The following PRSS50 variants were observed in gnomAD, a reference collection of about 807,000 sequenced individuals.
PRSS50 encodes the protein probable threonine protease PRSS50.
Under a neutral mutation model 34.2 loss-of-function variants are expected in PRSS50, and 23 were observed. That is an observed-to-expected ratio of 0.67 (90% CI 0.48 to 0.95). The LOEUF is 0.95. PRSS50 is among the 40% of genes least tolerant of loss of function. The pLI is 0.00. For missense variants in PRSS50, 484 were observed against 513.4 expected (o/e 0.94, Z 0.55); for synonymous variants, 224 against 211.2 (o/e 1.06, Z -0.53).
chr3:46,714,146 T>C, intron 4 of PRSS50, 72 bp downstream of exon 4: 10 of 1,543,138 alleles, frequency 6.5e-6, no homozygotes, highest in Non-Finnish European at 8.8e-6. Flanking sequence ...CATCCATCTG[T>C]GGTGGCACCC....
At position 46,712,931 on chromosome 3, in the gene PRSS50, C is replaced by T. The variant is rs138214038; in HGVS notation, c.891G>A (p.Ala297=). Residue 297 remains alanine (A), a synonymous_variant, in exon 5 of 6, where the codon GCG becomes GCA. Coordinates refer to ENST00000315170, the MANE Select transcript of PRSS50 (RefSeq NM_013270.5). ...AGAACTTCTCCCTGTGGGTGTCCTC[C>T]GCACACATCATCTGGGACTTGATGA... is the stretch of plus-strand genomic sequence containing the variant. ...VQIIKSQMMC[A]EDTHREKFCY... The T allele has an allele frequency of 4.2e-5, 68 of 1,614,134 alleles. No individual in the cohort carries two copies. The highest frequency in any genetic ancestry group is 3.0e-4 in the Admixed American group (18 of 60,022).
Position 46,712,351 on chromosome 3 carries a change from G to A in PRSS50, c.1053C>T (p.His351=), listed in dbSNP as rs761446294. The A allele has an allele frequency of 6.2e-7, 1 of 1,613,922 alleles. No individual in the cohort carries two copies. Among genetic ancestry groups the A allele is most frequent in the Non-Finnish European group, 8.5e-7 (1 of 1,179,960 alleles). Residue 351 remains histidine, a synonymous_variant, in exon 6 of 6, where the codon CAC becomes CAT. Transcript: ENST00000315170. ...GCCCGTTGAGGCAGTCCCAGATCCA[G>A]TGTTGGTAGGAGGAGACCTGTAGGT... ...PIYLQVSSYQ[H]WIWDCLNGQA... is the part of the protein sequence containing the mutation.
chr3:46,717,509 T>C lies in PRSS50; in HGVS notation c.235A>G (p.Thr79Ala). The C allele has an allele frequency of 6.2e-7, 1 of 1,613,744 alleles. No individual in the cohort carries two copies. The highest frequency in any genetic ancestry group is 8.5e-7 in the Non-Finnish European group (1 of 1,179,960). Residue 79 changes from threonine (T) to alanine (A), a missense_variant, in exon 2 of 6, where the codon ACC (threonine) becomes GCC (alanine). Coordinates refer to ENST00000315170, the MANE Select transcript of PRSS50 (RefSeq NM_013270.5). This position sits in a 1 kb window ranked among gnomAD's most constrained non-coding sequence, Gnocchi z 4.5. ...RPRLLWQTPT[T>A]QTLPSTTMET... ...ATGGTGGTCGAGGGCAGTGTCTGGG[T>C]GGTCGGGGTCTGCCAGAGAAGGCGA...
At position 46,715,768 on chromosome 3, in the gene PRSS50, C is replaced by T. The variant is rs563756159; in HGVS notation, c.308-71G>A. ...TCCCTCCCCTCCCCCAGCCTGACCT[C>T]GTGCCTCTCCAGCCACTGGCCTGCA... On this transcript the variant is annotated intron_variant, in intron 2 of 5. Transcript: ENST00000315170. The surrounding 1 kb of genome is among the most constrained non-coding windows in gnomAD (Gnocchi z 5.2). The T allele has an allele frequency of 1.9e-4, 282 of 1,481,446 alleles. 1 individual carries two copies. In the African/African-American group the frequency reaches 3.2e-3, roughly 17 times the overall value. 91.8% of individuals were successfully genotyped at this position (1,481,446 alleles called of 1,614,324 possible).
chr3:46,712,406 C>G lies in PRSS50; in HGVS notation c.998G>C (p.Gly333Ala), dbSNP rs773837813. 2.5e-6 allele frequency: 4 copies of G among 1,613,890 alleles called. No homozygotes were observed. The highest frequency in any genetic ancestry group is 1.1e-5 in the South Asian group (1 of 91,062). The stretch of plus-strand genomic sequence containing the variant: ...GGGTGGGGCCTCGCTCTTCTGGCAG[C>G]CTGCACCCCAGCTCACCAATCCCAC... ...YLVGLVSWGA[G>A]CQKSEAPPIY... Residue 333 changes from glycine to alanine, a missense_variant, in exon 6 of 6, where the codon GGC becomes GCC. Transcript: ENST00000315170.
In PRSS50 at chr3:46,712,442, G is replaced by A. The variant is rs376546957; in HGVS notation, c.962C>T (p.Thr321Met). ...GEPLVCSMEG[T>M]WYLVGLVSWG... ...GCTCACCAATCCCACCAGGTACCAC[G>A]TGCCCTCCATGGAGCAGACCAAGGG... Residue 321 changes from threonine (T) to methionine (M), a missense_variant, in exon 6 of 6, where the codon ACG becomes ATG. Physicochemically the swap from Thr to Met is moderately conservative, Grantham distance 81 (BLOSUM62 -1). Coordinates refer to ENST00000315170, the MANE Select transcript of PRSS50 (RefSeq NM_013270.5). 2.5e-5 allele frequency: 41 copies of A among 1,613,948 alleles called. No individual in the cohort carries two copies. In the East Asian group the frequency reaches 2.7e-4, roughly 11 times the overall value.
At chr3:46,714,961 G>A (rs1416054596) in intron 3 of PRSS50, among the ~76,000 whole-genome samples, 1 of 152,192 alleles carries the variant, frequency 6.6e-6, no homozygotes, top group Non-Finnish European at 1.5e-5. Context: ...CTGTATGTTG[G>A]CCCTTAGGCC....
Position 46,714,353 on chromosome 3 carries a change from TGTC to T in PRSS50, c.616_618del (p.Asp206del). 6.2e-7 allele frequency: 1 copy of T among 1,614,016 alleles called. No individual in the cohort carries two copies. On this transcript the variant is annotated inframe_deletion, in exon 4 of 6. Transcript: ENST00000315170. ...TCCTGCTTGAGCTTGAGGAGGCCGA[TGTC>T]GTTGGCCTGGCCCACCCAGGACCAG... is the stretch of plus-strand genomic sequence containing the variant.
At position 46,714,768 on chromosome 3, in the gene PRSS50, T is replaced by C. The variant is rs538622581; in HGVS notation, c.471-267A>G. On this transcript the variant is annotated intron_variant, in intron 3 of 5. Transcript: ENST00000315170. ...AATGAACCACTCAGGGCTGCATAGC[T>C]AGGAGGCAGTGGAAGGGATGCGGAC... 1.6e-3 allele frequency among the ~76,000 whole-genome samples: 250 copies of C among 152,286 alleles called. 2 individuals carry two copies. The highest frequency in any genetic ancestry group is 3.4e-3 in the Middle Eastern group (1 of 294).
At chr3:46,713,589 C>T (rs951811633) in intron 4 of PRSS50, among the ~76,000 whole-genome samples, 2 of 152,250 alleles carry the variant, frequency 1.3e-5, no homozygotes, top group Non-Finnish European at 2.9e-5. Context: ...GCTGAAGCCC[C>T]CTTGAGCTGT....
rs1441544230 is a variant in PRSS50, at chr3:46,714,484, G to A, written c.488C>T (p.Ser163Leu). ...HCLIWRDVIYSVRVGSPWIDQ... is the reference protein window; with the variant it reads ...HCLIWRDVIYLVRVGSPWIDQ... ...AATCCACGGACTCCCCACCCTCACT[G>A]AGTAGATAACATCACGCCTAGGGGG... The change falls in exon 4 of 6, where the codon TCA becomes TTA. Residue 163 changes from serine (S) to leucine (L), a missense_variant. Ser to Leu is a moderately radical substitution (Grantham distance 145, BLOSUM62 -2). Coordinates refer to ENST00000315170, the MANE Select transcript of PRSS50 (RefSeq NM_013270.5). 5 of 1,600,148 alleles carry A rather than the reference G, an allele frequency of 3.1e-6. No homozygotes were observed. The highest frequency in any genetic ancestry group is 4.3e-6 in the Non-Finnish European group (5 of 1,174,614).
At chr3:46,712,802 T>C in intron 5 of PRSS50, 99 bp downstream of exon 5, 4 of 1,268,244 alleles carry the variant, frequency 3.2e-6, no homozygotes, top group Admixed American at 2.0e-5. Context: ...CCCACCCCCT[T>C]CCCTTCCCCT....
intron 4 of PRSS50, among the ~76,000 whole-genome samples, 199 bp from the exon 5 acceptor site, chr3:46,713,266 C>T (rs1008722875): frequency 3.3e-5 from 5 of 152,206 alleles, no homozygotes; most frequent in East Asian, 1.9e-4. Context: ...CCAGCCTTGC[C>T]GGGCCTGCTC....
In PRSS50 at chr3:46,714,460, A is replaced by G; in HGVS notation, c.512T>C (p.Ile171Thr). Reference sequence around the variant, plus strand: ...GGAGGCGGTCTGCGTCATCTGGTCAATCCACGGACTCCCCACCCTCACTGA... The same window carrying G: ...GGAGGCGGTCTGCGTCATCTGGTCAGTCCACGGACTCCCCACCCTCACTGA... ...IYSVRVGSPW[I>T]DQMTQTASDV... Residue 171 changes from isoleucine (I) to threonine (T), a missense_variant, in exon 4 of 6, where the codon ATT (isoleucine) becomes ACT (threonine). Transcript: ENST00000315170. 1 of 1,607,342 alleles carries G rather than the reference A, an allele frequency of 6.2e-7. No homozygotes were observed. The highest frequency in any genetic ancestry group is 1.1e-5 in the South Asian group (1 of 89,846).
chr3:46,712,589 C>G, intron 5 of PRSS50, 107 bp from the exon 6 acceptor site: 1 of 1,058,336 alleles, frequency 9.4e-7, no homozygotes, highest in Non-Finnish European at 1.4e-6. Context: ...CCACAGTCCC[C>G]CAGTGCCAAC....
intron 3 of PRSS50, among the ~76,000 whole-genome samples, 192 bp from the exon 4 acceptor site, chr3:46,714,693 C>T (rs1028378699): frequency 6.6e-6 from 1 of 152,148 alleles, no homozygotes; most frequent in South Asian, 2.1e-4. Flanking sequence ...TGGTCCAGTC[C>T]TCAAGACCCT....
Position 46,712,938 on chromosome 3 carries a change from A to T in PRSS50, c.884T>A (p.Met295Lys), listed in dbSNP as rs1268133929. The T allele has an allele frequency of 6.2e-7, 1 of 1,614,072 alleles. No individual in the cohort carries two copies. Among genetic ancestry groups the T allele is most frequent in the Non-Finnish European group, 8.5e-7 (1 of 1,180,038 alleles). The change falls in exon 5 of 6, where the codon ATG (methionine) becomes AAG (lysine). Residue 295 changes from methionine to lysine, a missense_variant. Coordinates refer to ENST00000315170, the MANE Select transcript of PRSS50 (RefSeq NM_013270.5). ...TLVQIIKSQMMCAEDTHREKF... is the reference protein window; with the variant it reads ...TLVQIIKSQMKCAEDTHREKF... ...CTCCCTGTGGGTGTCCTCCGCACAC[A>T]TCATCTGGGACTTGATGATCTGAAC...
rs1422012109 is a variant in PRSS50 at position 46,713,072 on chromosome 3, G to A, written c.755-5C>T. 1 of 1,613,532 alleles carries A rather than the reference G, an allele frequency of 6.2e-7. No homozygotes were observed. Among genetic ancestry groups the A allele is most frequent in the Non-Finnish European group, 8.5e-7 (1 of 1,179,688 alleles). ...TCCGGAACTGAGGCCACATGCCTGT[G>A]GGACAGGGCCCCATTTAGGCGCAGC... On this transcript the variant is annotated splice_polypyrimidine_tract_variant and splice_region_variant and intron_variant, in intron 4 of 5. Transcript: ENST00000315170.
At chr3:46,714,655 A>G (rs58587896) in intron 3 of PRSS50, among the ~76,000 whole-genome samples, 154 bp from the exon 4 acceptor site, 7,295 of 152,090 alleles carry the variant, frequency 0.048, 620 homozygotes, top group African/African-American at 0.17. Context: ...CACCACAGAC[A>G]TGAACAGGGC....
Sources: gnomAD v4.1 joint callset for allele counts (sites outside exome capture counted in the v4.1 genomes callset) on GRCh38, gnomAD v4.1.1 for gene constraint, Gnocchi (gnomAD v3.1) non-coding constraint, MANE v1.5 for transcripts, NCBI Gene and HGNC (gene_info 2026-07-23, HGNC 2026-07-21) for gene names.